The following NTRK3 variants were observed in gnomAD, a reference collection of about 807,000 sequenced individuals.
NTRK3 encodes the protein NT-3 growth factor receptor.
Under a neutral mutation model 91.7 loss-of-function variants are expected in NTRK3, and 24 were observed. The observed-to-expected ratio is 0.26, with a 90% CI of 0.19 to 0.37. The LOEUF is 0.37. Ranked by LOEUF, NTRK3 falls within the 10% of genes least tolerant of loss-of-function variation. NTRK3 has a pLI of 1.00. For missense variants in NTRK3, 880 were observed against 1,068.9 expected, an observed-to-expected ratio of 0.82 and a Z score of 2.46; for synonymous variants, 483 against 404.0, an observed-to-expected ratio of 1.20 and a Z score of -2.34.
At chr15:88,135,798 C>T (rs2041820058) in intron 9 of NTRK3, 101 bp downstream of exon 9, 3 of 1,466,120 alleles carry the variant, frequency 2.0e-6, no homozygotes, top group African/African-American at 2.8e-5. Context: ...TAGATCAGCT[C>T]ACTGCTCTAG....
At chr15:88,088,223 G>T (rs2048686419) in intron 13 of NTRK3, among the ~76,000 whole-genome samples, 1 of 152,200 alleles carries the variant, frequency 6.6e-6, no homozygotes, top group South Asian at 2.1e-4. Flanking sequence ...CTACCCCAAG[G>T]AGTTGTTGAG....
At chr15:88,037,014 C>T (rs898283167) in intron 13 of NTRK3, among the ~76,000 whole-genome samples, 9 of 152,282 alleles carry the variant, frequency 5.9e-5, no homozygotes, top group African/African-American at 2.2e-4. Context: ...AAACAGTCTC[C>T]ACCTTCTCTA....
rs2041239922 is a variant in NTRK3 at position 88,130,628 on chromosome 15, A to T, written c.1205-1894T>A. 2.0e-5 allele frequency among the ~76,000 whole-genome samples: 3 copies of T among 152,198 alleles called. No individual in the cohort carries two copies. In the South Asian group the frequency reaches 6.2e-4, roughly 32 times the overall value. On this transcript the variant is annotated intron_variant, in intron 10 of 18. Transcript: ENST00000394480. ...TCACTTCTGCAGAGTTCCTGCCAAA[A>T]ATGCATAGCTAGAAATTAATCATTA... is the stretch of plus-strand genomic sequence containing the variant.
intron 14 of NTRK3, among the ~76,000 whole-genome samples, chr15:88,021,759 G>A (rs2077610903): frequency 6.6e-6 from 1 of 152,150 alleles, no homozygotes; most frequent in Non-Finnish European, 1.5e-5. Context: ...ATAGTGCAAG[G>A]GGAATGAGAA....
At chr15:88,089,759 GC>G (rs2048842835) in intron 13 of NTRK3, among the ~76,000 whole-genome samples, 1 of 152,004 alleles carries the variant, frequency 6.6e-6, no homozygotes, top group Non-Finnish European at 1.5e-5. Flanking sequence ...TTCCACCCTG[GC>G]CCCCTGTGGC....
intron 13 of NTRK3, among the ~76,000 whole-genome samples, chr15:88,070,026 A>G (rs968033903): frequency 2.6e-5 from 4 of 152,108 alleles, no homozygotes; most frequent in Non-Finnish European, 4.4e-5. Flanking sequence ...CCCCAAATCC[A>G]TCTCACAGCT....
At chr15:88,016,455 C>T (rs139763219) in intron 14 of NTRK3, among the ~76,000 whole-genome samples, 38 of 152,270 alleles carry the variant, frequency 2.5e-4, no homozygotes, top group African/African-American at 8.7e-4. Flanking sequence ...TCTCCTGGAC[C>T]GTAAGAGTTG....
At chr15:88,166,190 A>G (rs1241044838) in intron 5 of NTRK3, among the ~76,000 whole-genome samples, 1 of 152,202 alleles carries the variant, frequency 6.6e-6, no homozygotes, top group African/African-American at 2.4e-5. Context: ...GGAATCCTAC[A>G]GCCCTAGATA....
chr15:88,185,281 G>A (rs1005323579), intron 3 of NTRK3, among the ~76,000 whole-genome samples: 6 of 152,088 alleles, frequency 3.9e-5, no homozygotes, highest in Middle Eastern at 3.2e-3. Flanking sequence ...ACACAAACCC[G>A]TGCTAACTCA....
intron 14 of NTRK3, among the ~76,000 whole-genome samples, chr15:87,949,029 C>T (rs540572305): frequency 6.6e-6 from 1 of 152,246 alleles, no homozygotes; most frequent in South Asian, 2.1e-4. Context: ...TAGGCTGGGC[C>T]TAGCACAGGG....
chr15:87,860,389 T>C (rs1227144752), exon 19 of NTRK3: 1 of 220,002 alleles, frequency 4.5e-6, no homozygotes, highest in East Asian at 6.6e-5. Flanking sequence ...AGATGAAGAA[T>C]AGAGGGTGGG....
At chr15:88,207,909 T>A (rs1194314463) in intron 3 of NTRK3, among the ~76,000 whole-genome samples, 1 of 152,196 alleles carries the variant, frequency 6.6e-6, no homozygotes, top group African/African-American at 2.4e-5. Context: ...AGTCATCATA[T>A]TCCATTTTAA....
intron 14 of NTRK3, among the ~76,000 whole-genome samples, chr15:87,972,032 CACCAGGCCATATTAG>C (rs1474139254): frequency 6.6e-6 from 1 of 152,234 alleles, no homozygotes; most frequent in Non-Finnish European, 1.5e-5. Context: ...ACAGAGGTAT[CACCAGGCCATATTAG>C]ACAGCAGTGA....
At chr15:88,188,293 T>C (rs988182373) in intron 3 of NTRK3, among the ~76,000 whole-genome samples, 1 of 152,242 alleles carries the variant, frequency 6.6e-6, no homozygotes, top group Non-Finnish European at 1.5e-5. Flanking sequence ...ACCTCCACTT[T>C]AGTCTCATAA....
At chr15:87,930,565 C>G (rs961593127) in intron 16 of NTRK3, among the ~76,000 whole-genome samples, 3 of 152,134 alleles carry the variant, frequency 2.0e-5, no homozygotes, top group African/African-American at 4.8e-5. Flanking sequence ...TTCTGTCTGC[C>G]TGGAGAGTGC....
At chr15:88,175,690 T>G (rs1184539956) in intron 5 of NTRK3, among the ~76,000 whole-genome samples, 1 of 152,232 alleles carries the variant, frequency 6.6e-6, no homozygotes, top group Non-Finnish European at 1.5e-5. Flanking sequence ...GGGTCATTGT[T>G]ATGGGCCAGA....
intron 17 of NTRK3, among the ~76,000 whole-genome samples, chr15:87,905,277 C>T (rs2066696189): frequency 3.3e-5 from 5 of 152,154 alleles, no homozygotes; most frequent in Admixed American, 3.3e-4. Context: ...TATAGCATCA[C>T]AGGTAGAAAA....
At chr15:88,103,517 G>A (rs1046143513) in intron 13 of NTRK3, among the ~76,000 whole-genome samples, 1 of 152,138 alleles carries the variant, frequency 6.6e-6, no homozygotes, top group African/African-American at 2.4e-5. Context: ...CCAGAGTGGC[G>A]AAAGATGGGG....
At chr15:88,075,945 A>C in intron 13 of NTRK3, among the ~76,000 whole-genome samples, 1 of 152,184 alleles carries the variant, frequency 6.6e-6, no homozygotes, top group East Asian at 1.9e-4. Flanking sequence ...GAAGCACTAA[A>C]CTCAGAGCCT....
Sources: allele counts gnomAD v4.1 joint callset (sites outside exome capture counted in the v4.1 genomes callset), GRCh38; gene constraint gnomAD v4.1.1; transcripts MANE v1.5; gene names NCBI Gene and HGNC (gene_info 2026-07-23, HGNC 2026-07-21).